Variants in CFAP206 observed in about 807,000 individuals in gnomAD.
The protein encoded by CFAP206 is cilia- and flagella-associated protein 206.
In CFAP206, 53 loss-of-function variants were observed where a neutral mutation model predicts 65.4. The observed-to-expected ratio is 0.81, with a 90% CI of 0.65 to 1.02. The LOEUF (loss-of-function observed/expected upper bound fraction) is 1.02, where lower values mean the gene tolerates loss of function less well. Ranked by LOEUF, CFAP206 falls within the 50% of genes least tolerant of loss-of-function variation. CFAP206 has a pLI of 0.00. For synonymous variants in CFAP206, 250 were observed against 254.4 expected, an observed-to-expected ratio of 0.98 and a Z score of 0.17; for missense variants, 663 against 753.2, an observed-to-expected ratio of 0.88 and a Z score of 1.40.
chr6:87,448,323 G>A (rs1331339708), intron 11 of CFAP206, among the ~76,000 whole-genome samples: 1 of 152,008 alleles, frequency 6.6e-6, no homozygotes, highest in African/African-American at 2.4e-5. Context: ...CCTGGCTTTA[G>A]AATCTCTTTT....
intron 9 of CFAP206, among the ~76,000 whole-genome samples, chr6:87,429,308 T>C (rs1768113701): frequency 6.6e-6 from 1 of 152,052 alleles, no homozygotes; most frequent in African/African-American, 2.4e-5. Context: ...AATAACTTAC[T>C]GTCCAGCAAT....
At chr6:87,415,973 C>A in intron 5 of CFAP206, 99 bp downstream of exon 5, 6 of 876,740 alleles carry the variant, frequency 6.8e-6, no homozygotes, top group Non-Finnish European at 7.8e-6. Context: ...TTGAAGTTCC[C>A]TTTTTATCTG....
intron 10 of CFAP206, 59 bp downstream of exon 10, chr6:87,431,232 C>G: frequency 2.0e-6 from 3 of 1,467,154 alleles, no homozygotes; most frequent in Non-Finnish European, 2.8e-6. Flanking sequence ...ATATGGAGTT[C>G]TGTCATTGTC....
intron 4 of CFAP206, among the ~76,000 whole-genome samples, chr6:87,414,142 T>C (rs1383513914): frequency 6.6e-6 from 1 of 152,238 alleles, no homozygotes; most frequent in Non-Finnish European, 1.5e-5. Flanking sequence ...GTGGCACTAA[T>C]ACATAATAAT....
At chr6:87,420,955 C>G (rs1020251515) in intron 7 of CFAP206, among the ~76,000 whole-genome samples, 3 of 152,056 alleles carry the variant, frequency 2.0e-5, no homozygotes, top group African/African-American at 4.8e-5. Context: ...CAGTCCTTCC[C>G]CATCAGTCTT....
chr6:87,451,640 G>A (rs1768544996), intron 11 of CFAP206, among the ~76,000 whole-genome samples: 1 of 149,502 alleles, frequency 6.7e-6, no homozygotes, highest in Non-Finnish European at 1.5e-5. Context: ...CTTGAGGAAA[G>A]GAGAGGGATA....
At chr6:87,424,520 G>T (rs1349138914) in intron 7 of CFAP206, among the ~76,000 whole-genome samples, 4 of 151,890 alleles carry the variant, frequency 2.6e-5, no homozygotes, top group Non-Finnish European at 4.4e-5. Context: ...CTCATGATCC[G>T]CCTACCTCAG....
chr6:87,437,538 C>A (rs1768291881), intron 11 of CFAP206, among the ~76,000 whole-genome samples: 1 of 152,116 alleles, frequency 6.6e-6, no homozygotes, highest in Admixed American at 6.5e-5. Flanking sequence ...GAAGACACAT[C>A]TTTAATTTTA....
intron 11 of CFAP206, among the ~76,000 whole-genome samples, chr6:87,455,895 C>T (rs1768632348): frequency 6.6e-6 from 1 of 152,148 alleles, no homozygotes; most frequent in Non-Finnish European, 1.5e-5. Context: ...AAGCCAGGGA[C>T]CCAGTGGCTT....
chr6:87,411,319 G>A (rs1767731938), intron 3 of CFAP206, among the ~76,000 whole-genome samples: 1 of 152,132 alleles, frequency 6.6e-6, no homozygotes, highest in South Asian at 2.1e-4. Flanking sequence ...GCTTTTTGGC[G>A]ATTTGTATGT....
intron 11 of CFAP206, chr6:87,441,821 G>T: frequency 3.7e-6 from 1 of 271,108 alleles, no homozygotes; most frequent in South Asian, 4.4e-5. Flanking sequence ...AGGCGAATAA[G>T]AGAAGCTTTT....
At chr6:87,446,319 G>T (rs1768440169) in intron 11 of CFAP206, among the ~76,000 whole-genome samples, 1 of 151,796 alleles carries the variant, frequency 6.6e-6, no homozygotes, top group Admixed American at 6.6e-5. Context: ...TTTCCTTTAG[G>T]GTTTTTATAG....
chr6:87,416,677 CAG>C lies in CFAP206; in HGVS notation c.484_485del (p.Ser162CysfsTer15), dbSNP rs753422473. On this transcript the variant is annotated frameshift_variant, in exon 6 of 13. Transcript: ENST00000369562. LOFTEE classifies it high-confidence loss of function. ...KTVREVTAALQSVFPQAELGT... is the reference protein window; with the variant it reads ...KTVREVTAALXSVFPQAELGT... ...TTTCTGGTTTATTTTAGCTGCTCTA[CAG>C]AGTGTTTTTCCTCAGGCAGAGCTTG... 6.2e-7 allele frequency: 1 copy of C among 1,605,156 alleles called. No individual in the cohort carries two copies. Among genetic ancestry groups the C allele is most frequent in the Non-Finnish European group, 8.5e-7 (1 of 1,175,312 alleles).
chr6:87,446,236 G>T (rs1247011858), intron 11 of CFAP206, among the ~76,000 whole-genome samples: 1 of 152,096 alleles, frequency 6.6e-6, no homozygotes, highest in Non-Finnish European at 1.5e-5. Flanking sequence ...TTTTGCTTTT[G>T]TTGCTGTTGC....
At position 87,433,318 on chromosome 6, in the gene CFAP206, T is replaced by G. The variant is rs79089727; in HGVS notation, c.1301-1542T>G. Among the ~76,000 whole-genome samples the G allele has an allele frequency of 5.7e-3, 872 of 152,356 alleles. 8 individuals are homozygous for G. Among genetic ancestry groups the G allele is most frequent in the African/African-American group, 0.02 (833 of 41,570 alleles). ...TTTTTTGAGAGCAGGGAATTTGTTA[T>G]CTTCTATAGCCTTAGCACCATGAAC... On this transcript the variant is annotated intron_variant, in intron 10 of 12. Transcript: ENST00000369562.
Position 87,408,005 on chromosome 6 carries a change from G to A in CFAP206, c.-90G>A. 1 of 985,504 alleles carries A rather than the reference G, an allele frequency of 1.0e-6. No homozygotes were observed. The highest frequency in any genetic ancestry group is 1.2e-6 in the Non-Finnish European group (1 of 830,092). 61.0% of individuals were successfully genotyped at this position (985,504 alleles called of 1,614,324 possible). A position where few individuals can be genotyped will look rare whatever the true frequency, so the allele number is the denominator to read the frequency against. ...TCCATGGTTACGCGGCGGTGGCTGC[G>A]AGCGCCCAACTGCTCCGACCGTCGC... On this transcript the variant is annotated 5_prime_UTR_variant, in exon 1 of 13. Transcript: ENST00000369562.
At chr6:87,431,855 T>A (rs1768165055) in intron 10 of CFAP206, among the ~76,000 whole-genome samples, 1 of 152,248 alleles carries the variant, frequency 6.6e-6, no homozygotes, top group South Asian at 2.1e-4. Context: ...GACATGTTTG[T>A]TAAAAAATAT....
At position 87,418,201 on chromosome 6, in the gene CFAP206, CA is replaced by C; in HGVS notation, c.632-4del. Reference sequence around the variant, plus strand: ...TTATGGCTGCCTTTTCATACTCTTACAAACAGTGCCAGCTGTTCTCCATGTA... The same window carrying C: ...TTATGGCTGCCTTTTCATACTCTTACAACAGTGCCAGCTGTTCTCCATGTA... On this transcript the variant is annotated splice_polypyrimidine_tract_variant and splice_region_variant and intron_variant, in intron 6 of 12. Coordinates refer to ENST00000369562, the MANE Select transcript of CFAP206 (RefSeq NM_001031743.3). 1.2e-6 allele frequency: 2 copies of C among 1,613,902 alleles called. No individual in the cohort carries two copies. The highest frequency in any genetic ancestry group is 1.7e-6 in the Non-Finnish European group (2 of 1,179,844).
intron 11 of CFAP206, among the ~76,000 whole-genome samples, chr6:87,459,464 T>C (rs1380133601): frequency 6.6e-6 from 1 of 152,182 alleles, no homozygotes; most frequent in Non-Finnish European, 1.5e-5. Flanking sequence ...GGTAAAATTA[T>C]TGTCATGCAG....
Sources: allele counts gnomAD v4.1 joint callset (sites outside exome capture counted in the v4.1 genomes callset), GRCh38; gene constraint gnomAD v4.1.1; transcripts MANE v1.5; gene names NCBI Gene and HGNC (gene_info 2026-07-23, HGNC 2026-07-21).